NUDT16: variants seen among roughly 807,000 people sequenced by gnomAD.
NUDT16 encodes the protein nudix hydrolase 16.
A neutral mutation model predicts 11.7 loss-of-function variants in NUDT16; 12 were observed. The ratio of observed to expected loss-of-function variants is 1.03; its 90% confidence interval spans 0.66 to 1.67. The LOEUF (loss-of-function observed/expected upper bound fraction) is 1.67. Among genes scored for constraint, NUDT16 ranks in the 40% most tolerant of loss-of-function variants. NUDT16 has a pLI of 0.00. For missense variants in NUDT16, 303 were observed against 268.9 expected (o/e 1.13, Z -0.89); for synonymous variants, 129 against 122.6 (o/e 1.05, Z -0.35).
At chr3:131,382,789 A>G (rs1300889886) in intron 2 of NUDT16, 1 of 973,296 alleles carries the variant, frequency 1.0e-6, no homozygotes, top group South Asian at 2.0e-5. Flanking sequence ...GCATTCCTGC[A>G]TTGGTGGTGG....
chr3:131,382,416 T>G, intron 2 of NUDT16, 101 bp downstream of exon 2: 1 of 1,553,180 alleles, frequency 6.4e-7, no homozygotes, highest in Non-Finnish European at 8.7e-7. Flanking sequence ...TTTGCCCCTC[T>G]GACCTTGCCC....
intron 2 of NUDT16, chr3:131,382,746 C>G: frequency 3.0e-6 from 4 of 1,347,668 alleles, no homozygotes; most frequent in Middle Eastern, 5.4e-4. Flanking sequence ...GCAGAATCAT[C>G]GGGGCGTCTT....
rs2097458110 is a variant in NUDT16, at chr3:131,384,329, TG to T, written c.*989del. Reference sequence around the variant, plus strand: ...AAACTGTCCATTGAATTCAGTAACATGAAGTGTTTGATGACTATGATGGCAG... The same window carrying T: ...AAACTGTCCATTGAATTCAGTAACATAAGTGTTTGATGACTATGATGGCAG... On this transcript the variant is annotated 3_prime_UTR_variant, in exon 3 of 3. Transcript: ENST00000521288. 6.6e-6 allele frequency: 1 copy of T among 152,256 alleles called. No individual in the cohort carries two copies. Among genetic ancestry groups the T allele is most frequent in the Non-Finnish European group, 1.5e-5 (1 of 68,126 alleles). 9.4% of individuals were successfully genotyped at this position (152,256 alleles called of 1,614,324 possible). A position where few individuals can be genotyped will look rare whatever the true frequency, so the allele number is the denominator to read the frequency against.
Position 131,382,230 on chromosome 3 carries a change from C to T in NUDT16, c.323C>T (p.Ala108Val). The change falls in exon 2 of 3, where the codon GCC becomes GTC. Residue 108 changes from alanine (A) to valine (V), a missense_variant. By Grantham distance (64) the Ala-to-Val change is moderately conservative. Transcript: ENST00000521288. ...GTCGGGTCAGGGCCACGCGTTGTGGCCCACTTCTATGCCAAGCGTCTGACG... is the reference window on the plus strand; with the variant it reads ...GTCGGGTCAGGGCCACGCGTTGTGGTCCACTTCTATGCCAAGCGTCTGACG... ...SHVGSGPRVV[A>V]HFYAKRLTLE... 2 of 1,610,318 alleles carry T rather than the reference C, an allele frequency of 1.2e-6. No individual in the cohort carries two copies. Among genetic ancestry groups the T allele is most frequent in the Non-Finnish European group, 1.7e-6 (2 of 1,178,350 alleles).
At position 131,384,697 on chromosome 3, in the gene NUDT16, A is replaced by G. The variant is rs1434928746; in HGVS notation, c.*1356A>G. 6.6e-6 allele frequency: 1 copy of G among 152,208 alleles called. No individual in the cohort carries two copies. The highest frequency in any genetic ancestry group is 1.5e-5 in the Non-Finnish European group (1 of 68,046). The allele number at this position is 152,208 out of a possible 1,614,324, so 9.4% of individuals were successfully genotyped here. A position where few individuals can be genotyped will look rare whatever the true frequency, so the allele number is the denominator to read the frequency against. ...AAAGGGGCAAGTATAGAAGATTAGG[A>G]TGACTAAATTAATGGGGAAATGATG... is the stretch of plus-strand genomic sequence containing the variant. On this transcript the variant is annotated 3_prime_UTR_variant, in exon 3 of 3. Coordinates refer to ENST00000521288, the MANE Select transcript of NUDT16 (RefSeq NM_152395.3).
At position 131,386,846 on chromosome 3, in the gene NUDT16, T is replaced by A. The variant is rs983784852; in HGVS notation, c.*3505T>A. The A allele has an allele frequency of 2.0e-5, 3 of 152,236 alleles. No individual in the cohort carries two copies. Among genetic ancestry groups the A allele is most frequent in the African/African-American group, 7.2e-5 (3 of 41,450 alleles). 9.4% of individuals were successfully genotyped at this position (152,236 alleles called of 1,614,324 possible). On this transcript the variant is annotated 3_prime_UTR_variant, in exon 3 of 3. Coordinates refer to ENST00000521288, the MANE Select transcript of NUDT16 (RefSeq NM_152395.3). ...CAACAGTGACTTCCTCCTTTCCTAGTTACCGGAACCCTTAGAGCTGGGAGC... is the reference window on the plus strand; with the variant it reads ...CAACAGTGACTTCCTCCTTTCCTAGATACCGGAACCCTTAGAGCTGGGAGC...
In NUDT16 at chr3:131,386,049, T is replaced by C. The variant is rs1207131713; in HGVS notation, c.*2708T>C. On this transcript the variant is annotated 3_prime_UTR_variant, in exon 3 of 3. Coordinates refer to ENST00000521288, the MANE Select transcript of NUDT16 (RefSeq NM_152395.3). ...CAGTGCCTGCCTACTGGGCAGCTCATCTGTCCACTTATTCGTATTAAATTT... is the reference window on the plus strand; with the variant it reads ...CAGTGCCTGCCTACTGGGCAGCTCACCTGTCCACTTATTCGTATTAAATTT... 2 of 152,386 alleles carry C rather than the reference T, an allele frequency of 1.3e-5. No homozygotes were observed. The highest frequency in any genetic ancestry group is 4.8e-5 in the African/African-American group (2 of 41,580). 9.4% of individuals were successfully genotyped at this position (152,386 alleles called of 1,614,324 possible).
At position 131,381,821 on chromosome 3, in the gene NUDT16, G is replaced by A; in HGVS notation, c.17G>A (p.Arg6Lys). The A allele has an allele frequency of 6.4e-7, 1 of 1,571,852 alleles. No individual in the cohort carries two copies. The highest frequency in any genetic ancestry group is 8.6e-7 in the Non-Finnish European group (1 of 1,165,618). Residue 6 changes from arginine to lysine, a missense_variant, in exon 1 of 3, where the codon AGG (arginine) becomes AAG (lysine). Physicochemically the swap from Arg to Lys is conservative, Grantham distance 26. Transcript: ENST00000521288. MAGAR[R>K]LELGEALALG... The stretch of plus-strand genomic sequence containing the variant: ...TGTCCGGCCATGGCCGGAGCCCGCA[G>A]GCTGGAGCTAGGCGAGGCCCTGGCG...
Position 131,388,772 on chromosome 3 carries a change from T to C in NUDT16, c.*5431T>C, listed in dbSNP as rs2097461557. 1 of 148,224 alleles carries C rather than the reference T, an allele frequency of 6.7e-6. No homozygotes were observed. The highest frequency in any genetic ancestry group is 1.5e-5 in the Non-Finnish European group (1 of 67,988). 9.2% of individuals were successfully genotyped at this position (148,224 alleles called of 1,614,324 possible). ...ATATGTTAACATCTGAAAGGAAATA[T>C]GTATATTGAGCATAATAAATATTTT... On this transcript the variant is annotated 3_prime_UTR_variant, in exon 3 of 3. Transcript: ENST00000521288.
In NUDT16 at chr3:131,382,167, C is replaced by T. The variant is rs1216685447; in HGVS notation, c.260C>T (p.Ala87Val). 6.2e-7 allele frequency: 1 copy of T among 1,612,260 alleles called. No individual in the cohort carries two copies. The highest frequency in any genetic ancestry group is 8.5e-7 in the Non-Finnish European group (1 of 1,179,440). Residue 87 changes from alanine (A) to valine (V), a missense_variant, in exon 2 of 3, where the codon GCT (alanine) becomes GTT (valine). Physicochemically the swap from Ala to Val is moderately conservative, Grantham distance 64. Coordinates refer to ENST00000521288, the MANE Select transcript of NUDT16 (RefSeq NM_152395.3). ...GAGGAGCTGGGCGAAGCGGCTGCCG[C>T]TTTCCGCGTGGAGCGCACTGACTAC... is the stretch of plus-strand genomic sequence containing the variant. ...LREELGEAAA[A>V]FRVERTDYRS...
chr3:131,382,264 G>T lies in NUDT16; in HGVS notation c.357G>T (p.Glu119Asp), dbSNP rs1553711604. ...HFYAKRLTLE[E>D]LLAVEAGATR... Reference sequence around the variant, plus strand: ...ATGCCAAGCGTCTGACGCTCGAGGAGCTGTTGGCTGTGGAGGCCGGCGCAA... The same window carrying T: ...ATGCCAAGCGTCTGACGCTCGAGGATCTGTTGGCTGTGGAGGCCGGCGCAA... Residue 119 changes from glutamate (E) to aspartate (D), a missense_variant, in exon 2 of 3, where the codon GAG becomes GAT. By Grantham distance (45) the Glu-to-Asp change is conservative (BLOSUM62 2). Coordinates refer to ENST00000521288, the MANE Select transcript of NUDT16 (RefSeq NM_152395.3). 7 of 1,612,790 alleles carry T rather than the reference G, an allele frequency of 4.3e-6. No individual in the cohort carries two copies. Among genetic ancestry groups the T allele is most frequent in the Non-Finnish European group, 5.9e-6 (7 of 1,179,838 alleles).
rs1190460989 is a variant in NUDT16, at chr3:131,382,533, A to G, written c.408+218A>G. 6.5e-7 allele frequency: 1 copy of G among 1,536,016 alleles called. No homozygotes were observed. The highest frequency in any genetic ancestry group is 2.4e-5 in the East Asian group (1 of 40,908). On this transcript the variant is annotated intron_variant, in intron 2 of 2. Transcript: ENST00000521288. ...GGTCTTTCCCACCCTTTACCAGGAG[A>G]GATCCTTTCTAGAACACACTCATCC...
rs1442854610 is a variant in NUDT16 at position 131,388,531 on chromosome 3, A to G, written c.*5190A>G. 2 of 152,238 alleles carry G rather than the reference A, an allele frequency of 1.3e-5. No individual in the cohort carries two copies. Among genetic ancestry groups the G allele is most frequent in the Non-Finnish European group, 2.9e-5 (2 of 68,028 alleles). 9.4% of individuals were successfully genotyped at this position (152,238 alleles called of 1,614,324 possible). The stretch of plus-strand genomic sequence containing the variant: ...TTACTACAGCACAAATTGCATGTCT[A>G]TCTAAATTGACGTTTAAGTGCAAAA... On this transcript the variant is annotated 3_prime_UTR_variant, in exon 3 of 3. Coordinates refer to ENST00000521288, the MANE Select transcript of NUDT16 (RefSeq NM_152395.3).
chr3:131,381,800 C>T lies in NUDT16; in HGVS notation c.-5C>T, dbSNP rs746475911. ...TTCGGGACAGCAGAGGAGCAGTGTC[C>T]GGCCATGGCCGGAGCCCGCAGGCTG... On this transcript the variant is annotated 5_prime_UTR_variant, in exon 1 of 3. Transcript: ENST00000521288. 4 of 1,547,318 alleles carry T rather than the reference C, an allele frequency of 2.6e-6. No individual in the cohort carries two copies. Among genetic ancestry groups the T allele is most frequent in the East Asian group, 2.4e-5 (1 of 41,614 alleles).
chr3:131,382,339 C>G, intron 2 of NUDT16, 24 bp downstream of exon 2: 2 of 1,612,270 alleles, frequency 1.2e-6, no homozygotes, highest in Non-Finnish European at 1.7e-6. Flanking sequence ...GGGACTCTGT[C>G]CCTTTCCCAA....
rs2097460760 is a variant in NUDT16 at position 131,387,695 on chromosome 3, CACCT to C, written c.*4357_*4360del. The C allele has an allele frequency of 6.6e-6, 1 of 152,442 alleles. No homozygotes were observed. Among genetic ancestry groups the C allele is most frequent in the Non-Finnish European group, 1.5e-5 (1 of 68,214 alleles). 9.4% of individuals were successfully genotyped at this position (152,442 alleles called of 1,614,324 possible). A position where few individuals can be genotyped will look rare whatever the true frequency, so the allele number is the denominator to read the frequency against. On this transcript the variant is annotated 3_prime_UTR_variant, in exon 3 of 3. Coordinates refer to ENST00000521288, the MANE Select transcript of NUDT16 (RefSeq NM_152395.3). ...AGCTCCTGGACTCAGCCAAGACCCT[CACCT>C]ACAGTCCCAGTCCTCCCACCTTCTT...
chr3:131,383,791 G>C lies in NUDT16; in HGVS notation c.*450G>C. On this transcript the variant is annotated 3_prime_UTR_variant, in exon 3 of 3. Transcript: ENST00000521288. This position sits in a 1 kb window ranked among gnomAD's most constrained non-coding sequence, Gnocchi z 4.4. ...TGGTTGCCCTCCAGGGTCTAGCCCA[G>C]CCTATTTGTTAGGGAGGATAGAGAA... is the stretch of plus-strand genomic sequence containing the variant. The C allele has an allele frequency of 3.7e-6, 1 of 273,482 alleles. No individual in the cohort carries two copies. The highest frequency in any genetic ancestry group is 7.0e-6 in the Non-Finnish European group (1 of 142,626). 16.9% of individuals were successfully genotyped at this position (273,482 alleles called of 1,614,324 possible).
In NUDT16 at chr3:131,383,479, C is replaced by T. The variant is rs890773500; in HGVS notation, c.*138C>T. 36 of 1,524,234 alleles carry T rather than the reference C, an allele frequency of 2.4e-5. No individual in the cohort carries two copies. Among genetic ancestry groups the T allele is most frequent in the Non-Finnish European group, 2.9e-5 (33 of 1,138,850 alleles). 94.4% of individuals were successfully genotyped at this position (1,524,234 alleles called of 1,614,324 possible). On this transcript the variant is annotated 3_prime_UTR_variant, in exon 3 of 3. Coordinates refer to ENST00000521288, the MANE Select transcript of NUDT16 (RefSeq NM_152395.3). This position sits in a 1 kb window ranked among gnomAD's most constrained non-coding sequence, Gnocchi z 4.4. The stretch of plus-strand genomic sequence containing the variant: ...AGATGAAAAGAAGGAGAAGTGTGTA[C>T]CATATGTTTTGAGCAGAGGACCCTC...
rs1224432687 is a variant in NUDT16 at position 131,388,746 on chromosome 3, AAT to A, written c.*5408_*5409del. Reference sequence around the variant, plus strand: ...ACTGTGTTAATGATGGCTATCAAACAATATGTTAACATCTGAAAGGAAATATG... The same window carrying A: ...ACTGTGTTAATGATGGCTATCAAACAATGTTAACATCTGAAAGGAAATATG... On this transcript the variant is annotated 3_prime_UTR_variant, in exon 3 of 3. Coordinates refer to ENST00000521288, the MANE Select transcript of NUDT16 (RefSeq NM_152395.3). 3 of 148,912 alleles carry A rather than the reference AAT, an allele frequency of 2.0e-5. No individual in the cohort carries two copies. Among genetic ancestry groups the A allele is most frequent in the Admixed American group, 6.6e-5 (1 of 15,156 alleles). The allele number at this position is 148,912 out of a possible 1,614,324, so 9.2% of individuals were successfully genotyped here.
Sources: allele counts gnomAD v4.1 joint callset, GRCh38; gene constraint gnomAD v4.1.1; non-coding constraint Gnocchi (gnomAD v3.1); transcripts MANE v1.5; gene names NCBI Gene and HGNC (gene_info 2026-07-23, HGNC 2026-07-21).